The following PTPRN2 variants were observed in gnomAD, a reference collection of about 807,000 sequenced individuals.
PTPRN2 encodes the protein receptor-type tyrosine-protein phosphatase N2.
In PTPRN2, 74 loss-of-function variants were observed where a neutral mutation model predicts 118.8. The ratio of observed to expected loss-of-function variants is 0.62; its 90% CI spans 0.52 to 0.76. The LOEUF (loss-of-function observed/expected upper bound fraction) is 0.76. Among genes scored for constraint, PTPRN2 ranks in the 30% least tolerant of loss-of-function variants. PTPRN2 has a pLI of 0.00. For synonymous variants in PTPRN2, 641 were observed against 608.0 expected (o/e 1.05, Z -0.80); for missense variants, 1,481 against 1,394.4 (o/e 1.06, Z -0.99).
At chr7:158,189,216 G>T (rs955260453) in intron 5 of PTPRN2, among the ~76,000 whole-genome samples, 1 of 152,254 alleles carries the variant, frequency 6.6e-6, no homozygotes, top group African/African-American at 2.4e-5. Flanking sequence ...TCTGGCTGCT[G>T]AGGGCAGGGA....
intron 2 of PTPRN2, among the ~76,000 whole-genome samples, chr7:158,333,892 G>C (rs1366443353): frequency 1.4e-5 from 2 of 141,932 alleles, no homozygotes; most frequent in African/African-American, 2.7e-5. Flanking sequence ...CACCATAAGA[G>C]CTGACACCCG....
At chr7:157,802,206 A>G (rs1427289479) in intron 12 of PTPRN2, among the ~76,000 whole-genome samples, 1 of 152,176 alleles carries the variant, frequency 6.6e-6, no homozygotes, top group Non-Finnish European at 1.5e-5. Flanking sequence ...CGCGTCGCTG[A>G]AACCTTGTGC....
At chr7:158,579,713 A>G (rs1320407903) in intron 1 of PTPRN2, among the ~76,000 whole-genome samples, 2 of 152,244 alleles carry the variant, frequency 1.3e-5, no homozygotes, top group African/African-American at 4.8e-5. Context: ...AATCACCAGC[A>G]GTTTCTGACT....
At chr7:158,089,287 A>T (rs191802620) in intron 10 of PTPRN2, among the ~76,000 whole-genome samples, 1 of 29,018 alleles carries the variant, frequency 3.4e-5, no homozygotes. Context: ...GGGAGTCTTC[A>T]CACAAACCTT....
rs977175694 is a variant in PTPRN2 at position 158,113,163 on chromosome 7, C to A, written c.1557-2248G>T. Among the ~76,000 whole-genome samples, 8 of 152,218 alleles carry A rather than the reference C, an allele frequency of 5.3e-5. No homozygotes were observed. In the East Asian group the frequency reaches 5.8e-4, roughly 11 times the overall value. Reference sequence around the variant, plus strand: ...TCCAAGAAGGAGAAGGGCCGGGCCTCAGATTGGTCCAGAGAGATGAGGATG... The same window carrying A: ...TCCAAGAAGGAGAAGGGCCGGGCCTAAGATTGGTCCAGAGAGATGAGGATG... On this transcript the variant is annotated intron_variant, in intron 9 of 22. Transcript: ENST00000389418.
intron 3 of PTPRN2, among the ~76,000 whole-genome samples, chr7:158,212,544 A>C (rs560187401): frequency 6.6e-6 from 1 of 152,224 alleles, no homozygotes; most frequent in Non-Finnish European, 1.5e-5. Flanking sequence ...AATTAAAAAA[A>C]TAGACTTAAT....
At chr7:158,012,353 T>G (rs1382315185) in intron 11 of PTPRN2, among the ~76,000 whole-genome samples, 1 of 152,116 alleles carries the variant, frequency 6.6e-6, no homozygotes, top group Non-Finnish European at 1.5e-5. Context: ...CCAGCAAGCT[T>G]ACATCACTCA....
rs146102064 is a variant in PTPRN2 at position 157,942,393 on chromosome 7, T to G, written c.1724-43656A>C. On this transcript the variant is annotated intron_variant, in intron 11 of 22. Coordinates refer to ENST00000389418, the MANE Select transcript of PTPRN2 (RefSeq NM_002847.5). Reference sequence around the variant, plus strand: ...GTGTCACCTCACTGTGACTTCTGACTGCACAGCAGGTGTTGGTGTGGGGAG... The same window carrying G: ...GTGTCACCTCACTGTGACTTCTGACGGCACAGCAGGTGTTGGTGTGGGGAG... 6.4e-4 allele frequency among the ~76,000 whole-genome samples: 98 copies of G among 152,352 alleles called. 1 individual carries two copies. The highest frequency in any genetic ancestry group is 2.1e-3 in the African/African-American group (87 of 41,592).
intron 2 of PTPRN2, among the ~76,000 whole-genome samples, chr7:158,385,955 C>T (rs1357478965): frequency 6.7e-6 from 1 of 149,250 alleles, no homozygotes; most frequent in Non-Finnish European, 1.5e-5. Flanking sequence ...TGCTCTGAGT[C>T]CCTATTTCTG....
At chr7:158,484,210 C>A (rs147678889) in intron 2 of PTPRN2, among the ~76,000 whole-genome samples, 1 of 152,076 alleles carries the variant, frequency 6.6e-6, no homozygotes, top group Non-Finnish European at 1.5e-5. Context: ...ACCACCTCAC[C>A]GTCCACCTCA....
At chr7:158,085,376 A>G (rs111162925) in intron 10 of PTPRN2, among the ~76,000 whole-genome samples, 51 of 66,236 alleles carry the variant, frequency 7.7e-4, no homozygotes, top group East Asian at 1.1e-3. Context: ...ACGCCCATCC[A>G]CACATGCCCA....
At chr7:157,659,474 G>A (rs1339561954) in intron 13 of PTPRN2, among the ~76,000 whole-genome samples, 2 of 135,130 alleles carry the variant, frequency 1.5e-5, no homozygotes, top group Non-Finnish European at 3.2e-5. Context: ...GGGATGGGGG[G>A]GGCGGGGGGG....
intron 17 of PTPRN2, among the ~76,000 whole-genome samples, chr7:157,578,352 G>T (rs1034203953): frequency 6.6e-6 from 1 of 152,096 alleles, no homozygotes; most frequent in Non-Finnish European, 1.5e-5. Flanking sequence ...AAAAAACCCC[G>T]CAAATTTATC....
intron 2 of PTPRN2, among the ~76,000 whole-genome samples, chr7:158,354,961 A>G (rs1319496993): frequency 1.3e-5 from 2 of 152,200 alleles, no homozygotes; most frequent in African/African-American, 4.8e-5. Context: ...GTTTGTCAAC[A>G]GACATCTCAA....
In PTPRN2 at chr7:157,557,284, T is replaced by C. The variant is rs368086345; in HGVS notation, c.2903-8265A>G. Among the ~76,000 whole-genome samples, 31 of 150,174 alleles carry C rather than the reference T, an allele frequency of 2.1e-4. No individual in the cohort carries two copies. In the East Asian group the frequency reaches 4.6e-3, roughly 22 times the overall value. On this transcript the variant is annotated intron_variant, in intron 21 of 22. Coordinates refer to ENST00000389418, the MANE Select transcript of PTPRN2 (RefSeq NM_002847.5). Reference sequence around the variant, plus strand: ...CACAACACTCACATCCTACATCACATGTGCACACAAACACCCACACTTCAC... The same window carrying C: ...CACAACACTCACATCCTACATCACACGTGCACACAAACACCCACACTTCAC...
In PTPRN2 at chr7:157,987,311, G is replaced by A. The variant is rs1164055675; in HGVS notation, c.1724-88574C>T. The stretch of plus-strand genomic sequence containing the variant: ...AAGATGACCGGTCACTAAAGGGGGC[G>A]AGGTTACCAGTCACTAAAGGGAAAG... On this transcript the variant is annotated intron_variant, in intron 11 of 22. Coordinates refer to ENST00000389418, the MANE Select transcript of PTPRN2 (RefSeq NM_002847.5). The surrounding 1 kb of genome is among the most constrained non-coding windows in gnomAD (Gnocchi z 4.3). Among the ~76,000 whole-genome samples, 2 of 150,200 alleles carry A rather than the reference G, an allele frequency of 1.3e-5. No homozygotes were observed. The highest frequency in any genetic ancestry group is 6.7e-5 in the Admixed American group (1 of 15,008).
chr7:157,970,603 C>A (rs985347944), intron 11 of PTPRN2, among the ~76,000 whole-genome samples: 1 of 150,742 alleles, frequency 6.6e-6, no homozygotes, highest in African/African-American at 2.5e-5. Context: ...CTGTAACTGG[C>A]AGCAGTGTGC....
At chr7:158,119,645 A>G (rs1816993702) in intron 9 of PTPRN2, among the ~76,000 whole-genome samples, 1 of 151,868 alleles carries the variant, frequency 6.6e-6, no homozygotes, top group Non-Finnish European at 1.5e-5. Flanking sequence ...CACCATATTT[A>G]CACAACTTCT....
chr7:158,556,821 C>T (rs1827039051), intron 1 of PTPRN2, among the ~76,000 whole-genome samples: 2 of 137,762 alleles, frequency 1.5e-5, no homozygotes, highest in Admixed American at 7.2e-5. Flanking sequence ...AGGTCGCTCC[C>T]ACGCAGGTCA....
Sources: gnomAD v4.1 joint callset for allele counts (sites outside exome capture counted in the v4.1 genomes callset) on GRCh38, gnomAD v4.1.1 for gene constraint, Gnocchi (gnomAD v3.1) non-coding constraint, MANE v1.5 for transcripts, NCBI Gene and HGNC (gene_info 2026-07-23, HGNC 2026-07-21) for gene names.